The following SNTB1 variants were observed in gnomAD, a reference collection of about 807,000 sequenced individuals.
SNTB1 encodes the protein beta-1-syntrophin.
SNTB1 carries 36 observed loss-of-function variants against 48.9 expected under a neutral mutation model. That is an observed-to-expected ratio of 0.74 (90% CI 0.56 to 0.97). The LOEUF is 0.97. Among genes scored for constraint, SNTB1 ranks in the 50% least tolerant of loss-of-function variants. The pLI is 0.00. For missense variants in SNTB1, 786 were observed against 703.4 expected, an observed-to-expected ratio of 1.12 and a Z score of -1.33; for synonymous variants, 299 against 294.6, an observed-to-expected ratio of 1.01 and a Z score of -0.15.
chr8:120,623,518 C>T (rs781154229), intron 3 of SNTB1, among the ~76,000 whole-genome samples: 39 of 152,208 alleles, frequency 2.6e-4, no homozygotes, highest in Non-Finnish European at 4.9e-4. Context: ...ATATGCTTCC[C>T]AGTGCTTCTG....
intron 5 of SNTB1, 111 bp from the exon 6 acceptor site, chr8:120,542,111 CT>C (rs1815298849): frequency 5.7e-6 from 4 of 695,982 alleles, no homozygotes; most frequent in South Asian, 5.4e-5. Context: ...CTACGAATTT[CT>C]TGCTAAAATA....
In SNTB1 at chr8:120,538,973, A is replaced by C; in HGVS notation, c.1525-4T>G. 3.1e-6 allele frequency: 5 copies of C among 1,605,846 alleles called. No homozygotes were observed. On this transcript the variant is annotated splice_polypyrimidine_tract_variant and splice_region_variant and intron_variant, in intron 6 of 6. Coordinates refer to ENST00000517992, the MANE Select transcript of SNTB1 (RefSeq NM_021021.4). ...GGCAGGAATGAAGGTCCAGTTGCTG[A>C]AATTTAAAAAGAAGAGAGCATGAGC...
intron 3 of SNTB1, among the ~76,000 whole-genome samples, chr8:120,620,338 CT>C (rs1043923390): frequency 1.3e-4 from 20 of 152,070 alleles, no homozygotes; most frequent in African/African-American, 4.1e-4. Flanking sequence ...GTATTAATAT[CT>C]TTTTTTTATA....
At chr8:120,754,995 C>T (rs943788823) in intron 1 of SNTB1, among the ~76,000 whole-genome samples, 2 of 152,052 alleles carry the variant, frequency 1.3e-5, no homozygotes, top group Admixed American at 6.6e-5. Flanking sequence ...ATAAAAGATG[C>T]TCCAGTGAAA....
chr8:120,762,410 C>G (rs145952195), intron 1 of SNTB1, among the ~76,000 whole-genome samples: 1 of 152,314 alleles, frequency 6.6e-6, no homozygotes, highest in African/African-American at 2.4e-5. Flanking sequence ...CCTTTATCCT[C>G]TAATCAGAAT....
chr8:120,806,521 T>C (rs913803386), intron 1 of SNTB1, among the ~76,000 whole-genome samples: 16 of 152,220 alleles, frequency 1.1e-4, no homozygotes, highest in African/African-American at 3.4e-4. Flanking sequence ...ACTAGGGCGT[T>C]CTATTGATGT....
intron 4 of SNTB1, among the ~76,000 whole-genome samples, chr8:120,556,326 C>G (rs752204257): frequency 6.6e-6 from 1 of 152,022 alleles, no homozygotes; most frequent in Non-Finnish European, 1.5e-5. Context: ...TGGAGCAACC[C>G]GATCATTATA....
intron 3 of SNTB1, among the ~76,000 whole-genome samples, chr8:120,584,572 A>C (rs1816107008): frequency 6.6e-6 from 1 of 152,094 alleles, no homozygotes; most frequent in African/African-American, 2.4e-5. Flanking sequence ...TGACAGGGAA[A>C]GAATTCTCTC....
intron 2 of SNTB1, among the ~76,000 whole-genome samples, chr8:120,690,317 A>AG (rs1818103332): frequency 6.6e-6 from 1 of 152,138 alleles, no homozygotes; most frequent in South Asian, 2.1e-4. Flanking sequence ...TCTATGAATA[A>AG]GGGGGGATTA....
At chr8:120,780,769 A>C (rs1340410238) in intron 1 of SNTB1, among the ~76,000 whole-genome samples, 1 of 152,242 alleles carries the variant, frequency 6.6e-6, no homozygotes, top group East Asian at 1.9e-4. Flanking sequence ...AAATTGAAGA[A>C]TAAAGCACCA....
chr8:120,809,001 G>A (rs1347283362), intron 1 of SNTB1, among the ~76,000 whole-genome samples: 1 of 152,024 alleles, frequency 6.6e-6, no homozygotes, highest in East Asian at 1.9e-4. Context: ...CTCCTATGTA[G>A]AAACTCTGGA....
intron 1 of SNTB1, among the ~76,000 whole-genome samples, chr8:120,786,883 C>T (rs1276006358): frequency 6.6e-6 from 1 of 152,172 alleles, no homozygotes; most frequent in East Asian, 1.9e-4. Flanking sequence ...CAGATTTTAC[C>T]CATAGCCATC....
At chr8:120,569,283 A>G (rs1011028325) in intron 4 of SNTB1, among the ~76,000 whole-genome samples, 22 of 152,142 alleles carry the variant, frequency 1.4e-4, no homozygotes, top group African/African-American at 5.3e-4. Flanking sequence ...CCCAGCCCGC[A>G]TCTTCTATTC....
intron 1 of SNTB1, among the ~76,000 whole-genome samples, chr8:120,732,341 C>T (rs1818867387): frequency 6.6e-6 from 1 of 152,116 alleles, no homozygotes; most frequent in Admixed American, 6.5e-5. Flanking sequence ...CTGTGCCTAC[C>T]AGAGCTCATG....
At chr8:120,784,004 T>G (rs190193780) in intron 1 of SNTB1, among the ~76,000 whole-genome samples, 12 of 151,902 alleles carry the variant, frequency 7.9e-5, no homozygotes, top group African/African-American at 2.9e-4. Flanking sequence ...TTTTGTTTTG[T>G]TTTTTTTGAG....
intron 1 of SNTB1, among the ~76,000 whole-genome samples, chr8:120,807,379 T>C (rs888665112): frequency 6.6e-6 from 1 of 152,238 alleles, no homozygotes; most frequent in Non-Finnish European, 1.5e-5. Flanking sequence ...ATGGTCTATG[T>C]GAATGCTGTT....
At chr8:120,661,400 A>G (rs1404277175) in intron 2 of SNTB1, among the ~76,000 whole-genome samples, 2 of 152,216 alleles carry the variant, frequency 1.3e-5, no homozygotes, top group Non-Finnish European at 2.9e-5. Flanking sequence ...CCTAACTTCC[A>G]GAGAAGAGAA....
intron 4 of SNTB1, among the ~76,000 whole-genome samples, chr8:120,558,087 C>T (rs1205251605): frequency 1.3e-5 from 2 of 152,180 alleles, no homozygotes; most frequent in Non-Finnish European, 2.9e-5. Context: ...GTCTGCCTGG[C>T]TTTTTCCCAT....
intron 2 of SNTB1, among the ~76,000 whole-genome samples, chr8:120,674,047 A>T (rs552173474): frequency 1.3e-5 from 2 of 152,288 alleles, no homozygotes; most frequent in South Asian, 2.1e-4. Flanking sequence ...GCAAACTGTT[A>T]TACTGACCGA....
Sources: allele counts gnomAD v4.1 joint callset (sites outside exome capture counted in the v4.1 genomes callset), GRCh38; gene constraint gnomAD v4.1.1; transcripts MANE v1.5; gene names NCBI Gene and HGNC (gene_info 2026-07-23, HGNC 2026-07-21).